The following NCAM2 variants were observed in gnomAD, a reference collection of about 807,000 sequenced individuals.
The protein encoded by NCAM2 is N-CAM-2.
Under a neutral mutation model 98.1 loss-of-function variants are expected in NCAM2, and 30 were observed. The ratio of observed to expected loss-of-function variants is 0.31; its 90% CI spans 0.23 to 0.41. NCAM2 has a LOEUF of 0.41. Among genes scored for constraint, NCAM2 ranks in the 10% least tolerant of loss-of-function variants. The pLI is 1.00. For missense variants in NCAM2, 867 were observed against 1,005.8 expected, an observed-to-expected ratio of 0.86 and a Z score of 1.87; for synonymous variants, 368 against 342.4, an observed-to-expected ratio of 1.07 and a Z score of -0.83.
chr21:21,056,023 A>G (rs1354757686), intron 1 of NCAM2, among the ~76,000 whole-genome samples: 2 of 152,210 alleles, frequency 1.3e-5, no homozygotes, highest in South Asian at 4.1e-4. Flanking sequence ...CAATATTTTT[A>G]TAGTCAATAA....
At chr21:21,100,380 A>AC (rs956800569) in intron 1 of NCAM2, among the ~76,000 whole-genome samples, 3 of 151,752 alleles carry the variant, frequency 2.0e-5, no homozygotes, top group African/African-American at 7.3e-5. Context: ...GATGTCAGTG[A>AC]CCCCCCAAAA....
chr21:21,103,949 A>C (rs979537575), intron 1 of NCAM2, among the ~76,000 whole-genome samples: 1 of 152,120 alleles, frequency 6.6e-6, no homozygotes, highest in African/African-American at 2.4e-5. Context: ...TGAGAAAATA[A>C]TCGTGGTTGT....
rs754041553 is a variant in NCAM2, at chr21:21,507,416, G to C, written c.2078-1435G>C. On this transcript the variant is annotated intron_variant, in intron 15 of 17. Transcript: ENST00000400546. The stretch of plus-strand genomic sequence containing the variant: ...ACAGTTCAAATTTACATCTATACCC[G>C]TATCTGTCACTTGTGTTTCACATCA... Among the ~76,000 whole-genome samples the C allele has an allele frequency of 6.6e-5, 10 of 152,032 alleles. No individual in the cohort carries two copies. The South Asian group carries it at 1.5e-3, about 22-fold the overall frequency.
intron 1 of NCAM2, among the ~76,000 whole-genome samples, chr21:21,008,383 T>C (rs1038586590): frequency 3.3e-5 from 5 of 152,200 alleles, no homozygotes; most frequent in Non-Finnish European, 5.9e-5. Context: ...TATTTTTGAA[T>C]GTATATACGA....
At chr21:21,321,130 A>C (rs2147780082) in intron 5 of NCAM2, among the ~76,000 whole-genome samples, 1 of 152,344 alleles carries the variant, frequency 6.6e-6, no homozygotes, top group South Asian at 2.1e-4. Context: ...ATGGACACAC[A>C]GCCCTAAATG....
At chr21:21,491,596 GAA>G (rs1986852706) in intron 15 of NCAM2, among the ~76,000 whole-genome samples, 1 of 151,562 alleles carries the variant, frequency 6.6e-6, no homozygotes, top group Admixed American at 6.6e-5. Flanking sequence ...GATATAAACA[GAA>G]AAGTCATATT....
At chr21:21,331,507 C>CTATATATATATATA (rs1491194437) in intron 6 of NCAM2, among the ~76,000 whole-genome samples, 1 of 798 alleles carries the variant, frequency 1.3e-3, no homozygotes, top group Non-Finnish European at 2.9e-3. Context: ...ATACTCTATA[C>CTATATATATATATA]TCTCTCTCTC....
chr21:21,265,695 TG>T (rs1356965523), intron 1 of NCAM2, among the ~76,000 whole-genome samples: 1 of 151,340 alleles, frequency 6.6e-6, no homozygotes, highest in East Asian at 1.9e-4. Context: ...CACTTATAAG[TG>T]GGAGCTAAGC....
intron 1 of NCAM2, among the ~76,000 whole-genome samples, chr21:21,047,502 A>G (rs964857353): frequency 6.6e-6 from 1 of 152,220 alleles, no homozygotes; most frequent in Admixed American, 6.5e-5. Context: ...AAAAACAAGA[A>G]AGTATTCAAC....
intron 6 of NCAM2, among the ~76,000 whole-genome samples, chr21:21,328,784 G>A (rs2074591895): frequency 6.6e-6 from 1 of 151,812 alleles, no homozygotes; most frequent in African/African-American, 2.4e-5. Context: ...GAAAGAAAAT[G>A]TTTAGTGTCG....
intron 10 of NCAM2, among the ~76,000 whole-genome samples, chr21:21,411,107 T>TATATGTATATATATACACAC (rs1569033532): frequency 7.5e-4 from 40 of 53,522 alleles, no homozygotes; most frequent in East Asian, 1.6e-3. Context: ...TATATACATA[T>TATATGTATATATATACACAC]ATATGTATAT....
chr21:21,435,199 A>G (rs1293622136), intron 12 of NCAM2, among the ~76,000 whole-genome samples: 1 of 152,112 alleles, frequency 6.6e-6, no homozygotes, highest in Non-Finnish European at 1.5e-5. Context: ...CCACATTCTC[A>G]CTTAGCTAAG....
intron 16 of NCAM2, among the ~76,000 whole-genome samples, chr21:21,531,159 T>A (rs992664968): frequency 1.5e-4 from 23 of 152,170 alleles, no homozygotes; most frequent in Middle Eastern, 3.2e-3. Context: ...GTTGCTTATA[T>A]CATGTGCCCT....
rs2146450924 is a variant in NCAM2 at position 21,543,005 on chromosome 21, GGTTTTTTT to G, written c.*5049_*5056del. 1.2e-5 allele frequency: 1 copy of G among 82,936 alleles called. No homozygotes were observed. Among genetic ancestry groups the G allele is most frequent in the South Asian group, 2.8e-4 (1 of 3,616 alleles). 5.1% of individuals were successfully genotyped at this position (82,936 alleles called of 1,614,324 possible). A position where few individuals can be genotyped will look rare whatever the true frequency, so the allele number is the denominator to read the frequency against. On this transcript the variant is annotated 3_prime_UTR_variant, in exon 18 of 18. Coordinates refer to ENST00000400546, the MANE Select transcript of NCAM2 (RefSeq NM_004540.5). ...AGAAATATGTGAAGTTAGAAATAAA[GGTTTTTTT>G]AAAAAAAAAGCTTTTTTGGTATGTG...
chr21:21,209,487 T>C (rs1359031573), intron 1 of NCAM2, among the ~76,000 whole-genome samples: 1 of 152,164 alleles, frequency 6.6e-6, no homozygotes, highest in Non-Finnish European at 1.5e-5. Context: ...TGAGCCACCA[T>C]GCCTGGCCTA....
At chr21:21,117,589 G>T (rs942461296) in intron 1 of NCAM2, among the ~76,000 whole-genome samples, 1 of 152,120 alleles carries the variant, frequency 6.6e-6, no homozygotes, top group Admixed American at 6.5e-5. Flanking sequence ...ACTACAATTT[G>T]CAATAACATT....
intron 9 of NCAM2, among the ~76,000 whole-genome samples, chr21:21,382,825 T>C (rs2076187724): frequency 1.3e-5 from 2 of 152,054 alleles, no homozygotes; most frequent in Admixed American, 1.3e-4. Context: ...CCACTGCGAC[T>C]GGCCCAAATA....
In NCAM2 at chr21:21,376,186, G is replaced by A. The variant is rs548135037; in HGVS notation, c.1195+2173G>A. Among the ~76,000 whole-genome samples the A allele has an allele frequency of 3.1e-4, 47 of 151,882 alleles. No homozygotes were observed. The Middle Eastern group carries it at 0.017, about 55-fold the overall frequency. ...AGCATTTAAAGATACTTTTATTCAA[G>A]CGTATCCACATTCTCCAGAGATGCC... On this transcript the variant is annotated intron_variant, in intron 9 of 17. Transcript: ENST00000400546.
chr21:21,400,289 C>T (rs1370221014), intron 9 of NCAM2, among the ~76,000 whole-genome samples: 1 of 152,124 alleles, frequency 6.6e-6, no homozygotes, highest in African/African-American at 2.4e-5. Flanking sequence ...CAGACTTCTG[C>T]CTGTACAGCT....
Sources: gnomAD v4.1 joint callset for allele counts (sites outside exome capture counted in the v4.1 genomes callset) on GRCh38, gnomAD v4.1.1 for gene constraint, MANE v1.5 for transcripts, NCBI Gene and HGNC (gene_info 2026-07-23, HGNC 2026-07-21) for gene names.